UBASH3B: variants seen among roughly 807,000 people sequenced by gnomAD.
UBASH3B encodes ubiquitin-associated and SH3 domain-containing protein B.
In UBASH3B, 37 loss-of-function variants were observed where a neutral mutation model predicts 83.4. The observed-to-expected ratio is 0.44, with a 90% confidence interval of 0.34 to 0.58. UBASH3B has a LOEUF of 0.58. UBASH3B is among the 20% of genes least tolerant of loss of function. UBASH3B has a pLI of 0.01. For synonymous variants in UBASH3B, 304 were observed against 318.3 expected, an observed-to-expected ratio of 0.96 and a Z score of 0.48; for missense variants, 657 against 827.2, an observed-to-expected ratio of 0.79 and a Z score of 2.52.
intron 1 of UBASH3B, among the ~76,000 whole-genome samples, chr11:122,675,554 A>G (rs186211337): frequency 1.3e-5 from 2 of 152,320 alleles, no homozygotes; most frequent in African/African-American, 4.8e-5. Flanking sequence ...AAGTTCTAGA[A>G]CTAGCTCAGC....
At chr11:122,741,965 A>G (rs1459957173) in intron 1 of UBASH3B, among the ~76,000 whole-genome samples, 4 of 152,072 alleles carry the variant, frequency 2.6e-5, no homozygotes, top group Admixed American at 6.6e-5. Flanking sequence ...AAACTGGCTC[A>G]CTCTCACTAC....
chr11:122,786,074 G>A (rs891360782), intron 5 of UBASH3B, among the ~76,000 whole-genome samples: 6 of 151,986 alleles, frequency 3.9e-5, no homozygotes, highest in African/African-American at 1.4e-4. Flanking sequence ...TGTTGAGACG[G>A]AGTCTTACTC....
chr11:122,778,976 A>C (rs947304920), intron 3 of UBASH3B, among the ~76,000 whole-genome samples: 7 of 152,158 alleles, frequency 4.6e-5, no homozygotes, highest in African/African-American at 1.7e-4. Flanking sequence ...ATATGTATGC[A>C]TTGTGGAGTG....
At chr11:122,698,480 T>C (rs1159049345) in intron 1 of UBASH3B, among the ~76,000 whole-genome samples, 1 of 152,030 alleles carries the variant, frequency 6.6e-6, no homozygotes, top group Admixed American at 6.5e-5. Flanking sequence ...TATAGAAAAT[T>C]AGGATGGTAT....
chr11:122,700,648 C>G (rs1034452664), intron 1 of UBASH3B, among the ~76,000 whole-genome samples: 11 of 152,092 alleles, frequency 7.2e-5, no homozygotes, highest in Non-Finnish European at 1.3e-4. Context: ...AGGTGCTCAC[C>G]ACCACACCCA....
chr11:122,779,752 G>C (rs2135146137), intron 4 of UBASH3B, 57 bp downstream of exon 4: 1 of 1,600,004 alleles, frequency 6.2e-7, no homozygotes, highest in East Asian at 2.2e-5. Context: ...AGTTGGAAAG[G>C]AAAAAGGATA....
intron 1 of UBASH3B, among the ~76,000 whole-genome samples, chr11:122,730,190 G>A (rs898689211): frequency 3.9e-5 from 6 of 152,222 alleles, no homozygotes; most frequent in Non-Finnish European, 7.4e-5. Flanking sequence ...GGAGGCTGAG[G>A]CAGAAGAATT....
intron 1 of UBASH3B, among the ~76,000 whole-genome samples, chr11:122,721,114 G>A (rs370456891): frequency 3.2e-4 from 48 of 151,954 alleles, no homozygotes; most frequent in Middle Eastern, 3.4e-3. Flanking sequence ...GCGTGGTGGC[G>A]TGTGCCTGTA....
chr11:122,799,487 CAAA>C (rs34917484), intron 10 of UBASH3B, among the ~76,000 whole-genome samples: 6 of 107,906 alleles, frequency 5.6e-5, no homozygotes, highest in Admixed American at 9.7e-5. Flanking sequence ...AACTCCATCT[CAAA>C]AAAAAAAAAA....
intron 1 of UBASH3B, among the ~76,000 whole-genome samples, chr11:122,679,330 G>T (rs950415264): frequency 6.6e-6 from 1 of 152,236 alleles, no homozygotes; most frequent in Non-Finnish European, 1.5e-5. Context: ...TGGTACTAGG[G>T]AGTCTCAGTT....
intron 5 of UBASH3B, among the ~76,000 whole-genome samples, chr11:122,788,168 T>G (rs1482560878): frequency 3.3e-5 from 5 of 152,254 alleles, no homozygotes; most frequent in African/African-American, 1.2e-4. Flanking sequence ...GAAAGCTGGC[T>G]ACATGCTGAC....
intron 1 of UBASH3B, among the ~76,000 whole-genome samples, chr11:122,712,942 C>G (rs189621353): frequency 2.2e-3 from 260 of 116,668 alleles, no homozygotes; most frequent in Admixed American, 7.0e-3. Context: ...GGATCTCGCT[C>G]TGTCGCCCAG....
intron 5 of UBASH3B, among the ~76,000 whole-genome samples, chr11:122,784,170 G>A (rs1860907045): frequency 6.6e-6 from 1 of 152,108 alleles, no homozygotes; most frequent in Non-Finnish European, 1.5e-5. Flanking sequence ...TTGATCTCAG[G>A]TGATCTGCAC....
intron 5 of UBASH3B, among the ~76,000 whole-genome samples, chr11:122,785,079 C>T (rs1396906600): frequency 4.6e-5 from 7 of 152,130 alleles, no homozygotes; most frequent in Non-Finnish European, 1.0e-4. Flanking sequence ...AAGGAATATC[C>T]TCTAATCAAC....
chr11:122,787,153 C>T (rs143468330), intron 5 of UBASH3B, among the ~76,000 whole-genome samples: 140 of 152,292 alleles, frequency 9.2e-4, no homozygotes, highest in Non-Finnish European at 1.4e-3. Flanking sequence ...CCCTGTGACT[C>T]GGTGACTTTC....
rs191782920 is a variant in UBASH3B, at chr11:122,664,899, C to T, written c.161+8689C>T. On this transcript the variant is annotated intron_variant, in intron 1 of 13. Transcript: ENST00000284273. ...CTGGCTGCACGTTCTCCACAGTGAC[C>T]CTCGGAGGGCAGGCCTGCCTTTTTT... Among the ~76,000 whole-genome samples the T allele has an allele frequency of 2.0e-5, 3 of 152,336 alleles. No homozygotes were observed. In the East Asian group the frequency reaches 5.8e-4, roughly 29 times the overall value.
intron 9 of UBASH3B, among the ~76,000 whole-genome samples, chr11:122,798,575 G>A (rs970408398): frequency 1.3e-5 from 2 of 151,940 alleles, no homozygotes; most frequent in African/African-American, 4.8e-5. Context: ...GCTGGGTGTG[G>A]TGGTGCGCGC....
At chr11:122,777,859 G>A (rs1468397882) in intron 3 of UBASH3B, among the ~76,000 whole-genome samples, 1 of 151,868 alleles carries the variant, frequency 6.6e-6, no homozygotes, top group Non-Finnish European at 1.5e-5. Flanking sequence ...CCTCCCAAGT[G>A]GCTGTGATTA....
At chr11:122,685,673 T>C (rs1863800080) in intron 1 of UBASH3B, among the ~76,000 whole-genome samples, 1 of 152,116 alleles carries the variant, frequency 6.6e-6, no homozygotes, top group Non-Finnish European at 1.5e-5. Context: ...TCTGCCACAA[T>C]GCCCAGCTAA....
Sources: allele counts gnomAD v4.1 joint callset (sites outside exome capture counted in the v4.1 genomes callset), GRCh38; gene constraint gnomAD v4.1.1; transcripts MANE v1.5; gene names NCBI Gene and HGNC (gene_info 2026-07-23, HGNC 2026-07-21).